ME3: variants seen among roughly 807,000 people sequenced by gnomAD.
ME3 encodes the protein malic enzyme 3, also known as NADP-dependent malic enzyme, mitochondrial.
Under a neutral mutation model 68.9 loss-of-function variants are expected in ME3, and 48 were observed. That is an observed-to-expected ratio of 0.70 (90% CI 0.55 to 0.89). The LOEUF (loss-of-function observed/expected upper bound fraction) is 0.89, where lower values mean the gene tolerates loss of function less well. Among genes scored for constraint, ME3 ranks in the 40% least tolerant of loss-of-function variants. The pLI, the probability that ME3 is intolerant of heterozygous loss-of-function variation, is 0.00. For synonymous variants in ME3, 320 were observed against 318.8 expected, an observed-to-expected ratio of 1.00 and a Z score of -0.04; for missense variants, 675 against 797.4, an observed-to-expected ratio of 0.85 and a Z score of 1.85.
chr11:86,534,081 G>GTGTGTATATATATATATATATA (rs1361825219), intron 4 of ME3, among the ~76,000 whole-genome samples: 8 of 127,512 alleles, frequency 6.3e-5, no homozygotes, highest in African/African-American at 2.6e-4. Context: ...GTGTGTGTGT[G>GTGTGTATATATATATATATATA]TATATATATA....
At chr11:86,602,175 C>G (rs1463124042) in intron 2 of ME3, among the ~76,000 whole-genome samples, 2 of 151,384 alleles carry the variant, frequency 1.3e-5, no homozygotes, top group Non-Finnish European at 2.9e-5. Context: ...TCCCTGTTTG[C>G]AGATGACATG....
chr11:86,670,013 T>A (rs1435422762), intron 2 of ME3, among the ~76,000 whole-genome samples: 1 of 152,218 alleles, frequency 6.6e-6, no homozygotes, highest in African/African-American at 2.4e-5. Context: ...TGAGGATCTA[T>A]ATTCCCTTTA....
At position 86,559,791 on chromosome 11, in the gene ME3, C is replaced by G. The variant is rs375366165; in HGVS notation, c.216G>C (p.Gln72His). Residue 72 changes from glutamine to histidine, a missense_variant, in exon 3 of 15, where the codon CAG becomes CAC. By Grantham distance (24) the Gln-to-His change is conservative. Transcript: ENST00000543262. Reference sequence around the variant, plus strand: ...GCGGGATTAGGCCGTGGATTCCAAGCTGCAGCCTTTCTTCAAGGGTAAAGG... The same window carrying G: ...GCGGGATTAGGCCGTGGATTCCAAGGTGCAGCCTTTCTTCAAGGGTAAAGG... 3 of 1,613,966 alleles carry G rather than the reference C, an allele frequency of 1.9e-6. No homozygotes were observed. The African/African-American group carries it at 4.0e-5, about 22-fold the overall frequency.
At chr11:86,618,096 C>G (rs1195137900) in intron 2 of ME3, among the ~76,000 whole-genome samples, 2 of 151,792 alleles carry the variant, frequency 1.3e-5, no homozygotes, top group Non-Finnish European at 1.5e-5. Context: ...TCCAGGAGTT[C>G]CAGACCAGCC....
chr11:86,486,698 A>G (rs1289067458), intron 7 of ME3, among the ~76,000 whole-genome samples: 1 of 152,200 alleles, frequency 6.6e-6, no homozygotes, highest in Non-Finnish European at 1.5e-5. Flanking sequence ...CAGAGTAAAC[A>G]TGGGTGTGTG....
At chr11:86,616,558 C>G (rs1942970533) in intron 2 of ME3, among the ~76,000 whole-genome samples, 2 of 152,142 alleles carry the variant, frequency 1.3e-5, no homozygotes, top group Non-Finnish European at 2.9e-5. Context: ...ACAAGCACAT[C>G]TGAAAGTCAC....
At chr11:86,542,649 A>G (rs1956118150) in intron 4 of ME3, among the ~76,000 whole-genome samples, 1 of 152,200 alleles carries the variant, frequency 6.6e-6, no homozygotes, top group Admixed American at 6.5e-5. Context: ...GAAATATGGT[A>G]TATGTGAAAA....
intron 6 of ME3, among the ~76,000 whole-genome samples, chr11:86,496,566 A>G (rs4944586): frequency 0.51 from 78,177 of 152,028 alleles, 20,524 homozygotes; most frequent in Non-Finnish European, 0.57. Context: ...AATTTACAAA[A>G]TGACCATTCC....
chr11:86,519,213 C>G (rs1342813141), intron 4 of ME3, among the ~76,000 whole-genome samples: 1 of 152,144 alleles, frequency 6.6e-6, no homozygotes, highest in African/African-American at 2.4e-5. Flanking sequence ...GGAATTTCAT[C>G]AAGGCAAGTG....
chr11:86,562,818 C>T (rs1957303599), intron 2 of ME3, among the ~76,000 whole-genome samples: 1 of 151,754 alleles, frequency 6.6e-6, no homozygotes, highest in Non-Finnish European at 1.5e-5. Context: ...CCTCCAGTAT[C>T]CTCCTTCCTC....
chr11:86,463,984 T>C (rs1329061400), intron 8 of ME3: 1 of 275,536 alleles, frequency 3.6e-6, no homozygotes, highest in East Asian at 1.1e-4. Flanking sequence ...AACTGTAGAG[T>C]GCTTAGAACA....
chr11:86,579,596 C>T (rs1471305031), intron 2 of ME3, among the ~76,000 whole-genome samples: 2 of 152,174 alleles, frequency 1.3e-5, no homozygotes, highest in African/African-American at 4.8e-5. Context: ...GGAGAACAAC[C>T]GATTCATGAA....
At chr11:86,496,318 A>C (rs535913722) in intron 6 of ME3, among the ~76,000 whole-genome samples, 4 of 152,284 alleles carry the variant, frequency 2.6e-5, no homozygotes, top group African/African-American at 9.6e-5. Context: ...AGATAGGAGA[A>C]TTGCTTGAAC....
At chr11:86,448,103 C>G (rs200298663) in intron 11 of ME3, 47 bp downstream of exon 11, 1 of 1,379,132 alleles carries the variant, frequency 7.3e-7, no homozygotes, top group East Asian at 2.3e-5. Context: ...ATCTGCAAGT[C>G]AAGAGGGTTA....
At chr11:86,443,145 C>A (rs1949099499) in intron 13 of ME3, among the ~76,000 whole-genome samples, 1 of 152,184 alleles carries the variant, frequency 6.6e-6, no homozygotes, top group Non-Finnish European at 1.5e-5. Flanking sequence ...TTAAGTGTCT[C>A]TGAATTCCAA....
intron 2 of ME3, among the ~76,000 whole-genome samples, chr11:86,607,442 G>C (rs1393757803): frequency 7.3e-6 from 1 of 137,014 alleles, no homozygotes; most frequent in African/African-American, 2.7e-5. Flanking sequence ...ACAATGAGTT[G>C]AGAGGCATAG....
intron 2 of ME3, among the ~76,000 whole-genome samples, chr11:86,589,568 TC>T (rs1958942234): frequency 6.6e-6 from 1 of 152,228 alleles, no homozygotes; most frequent in South Asian, 2.1e-4. Context: ...TGTGGTTTAA[TC>T]CAGCTTTCAT....
At chr11:86,507,831 A>G (rs930512824) in intron 5 of ME3, among the ~76,000 whole-genome samples, 1 of 152,074 alleles carries the variant, frequency 6.6e-6, no homozygotes, top group African/African-American at 2.4e-5. Flanking sequence ...AAAAAATACA[A>G]AAAATTACCC....
chr11:86,440,418 A>G (rs1413866175), downstream of ME3, among the ~76,000 whole-genome samples: 1 of 152,192 alleles, frequency 6.6e-6, no homozygotes, highest in Admixed American at 6.5e-5. Flanking sequence ...TGTGTTGCTC[A>G]ACTACTTCAG....
Sources: gnomAD v4.1 joint callset for allele counts (sites outside exome capture counted in the v4.1 genomes callset) on GRCh38, gnomAD v4.1.1 for gene constraint, MANE v1.5 for transcripts, NCBI Gene and HGNC (gene_info 2026-07-23, HGNC 2026-07-21) for gene names.